IQGAP1: variants seen among roughly 807,000 people sequenced by gnomAD.
IQGAP1 encodes IQ motif containing GTPase activating protein 1.
IQGAP1 carries 66 observed loss-of-function variants against 215.6 expected under a neutral mutation model. That is an observed-to-expected ratio of 0.31 (90% confidence interval 0.25 to 0.38). IQGAP1 has a LOEUF of 0.38. IQGAP1 is among the 10% of genes least tolerant of loss of function. The pLI is 1.00. For synonymous variants in IQGAP1, 772 were observed against 728.7 expected, an observed-to-expected ratio of 1.06 and a Z score of -0.96; for missense variants, 1,712 against 1,997.1, an observed-to-expected ratio of 0.86 and a Z score of 2.72.
intron 35 of IQGAP1, among the ~76,000 whole-genome samples, chr15:90,493,441 C>T (rs907735847): frequency 6.6e-6 from 1 of 152,152 alleles, no homozygotes; most frequent in Non-Finnish European, 1.5e-5. Flanking sequence ...GCACTGGCCA[C>T]AAACTATCAG....
At chr15:90,453,358 G>T in intron 13 of IQGAP1, 66 bp downstream of exon 13, 1 of 1,255,620 alleles carries the variant, frequency 8.0e-7, no homozygotes. Flanking sequence ...TTGTATGTCA[G>T]TGCTCCGATT....
In IQGAP1 at chr15:90,495,954, T is replaced by C. The variant is rs998980389; in HGVS notation, c.4751+1119T>C. On this transcript the variant is annotated intron_variant, in intron 36 of 37. Coordinates refer to ENST00000268182, the MANE Select transcript of IQGAP1 (RefSeq NM_003870.4). ...TTATTATTATTATTATTATTATTTA[T>C]TATTATAGGTCATTATCTTCCACTA... Among the ~76,000 whole-genome samples the C allele has an allele frequency of 9.3e-5, 14 of 150,234 alleles. 1 individual carries two copies. Among genetic ancestry groups the C allele is most frequent in the African/African-American group, 3.4e-4 (14 of 41,186 alleles).
chr15:90,452,018 C>T (rs150395534), intron 11 of IQGAP1, among the ~76,000 whole-genome samples: 2,606 of 152,120 alleles, frequency 0.017, 41 homozygotes, highest in Non-Finnish European at 0.023. Flanking sequence ...TTAGTAGAGA[C>T]GGGGTTTCAC....
intron 2 of IQGAP1, among the ~76,000 whole-genome samples, chr15:90,409,921 G>T (rs1170532878): frequency 2.0e-5 from 3 of 152,162 alleles, no homozygotes; most frequent in African/African-American, 7.2e-5. Flanking sequence ...ATTTTTTCAT[G>T]TGTCTGTTGG....
intron 2 of IQGAP1, among the ~76,000 whole-genome samples, chr15:90,404,656 T>C (rs1964852372): frequency 6.6e-6 from 1 of 152,118 alleles, no homozygotes; most frequent in Non-Finnish European, 1.5e-5. Context: ...TGGCGTGCAG[T>C]GGCCCGATCT....
intron 5 of IQGAP1, among the ~76,000 whole-genome samples, chr15:90,434,749 T>G (rs1162831073): frequency 1.3e-5 from 2 of 152,200 alleles, no homozygotes; most frequent in East Asian, 3.8e-4. Context: ...ATGCCAAATC[T>G]GAAATGCAGA....
At chr15:90,467,616 G>A in intron 18 of IQGAP1, 24 bp downstream of exon 18, 1 of 1,591,418 alleles carries the variant, frequency 6.3e-7, no homozygotes, top group South Asian at 1.1e-5. Context: ...CTTCACGTAA[G>A]AAGAAGCTGA....
chr15:90,496,374 TGG>T (rs1966275015), intron 36 of IQGAP1, among the ~76,000 whole-genome samples: 1 of 140,298 alleles, frequency 7.1e-6, no homozygotes, highest in African/African-American at 2.7e-5. Flanking sequence ...TGGACTGCAG[TGG>T]TGATAGGGTA....
intron 15 of IQGAP1, among the ~76,000 whole-genome samples, chr15:90,460,881 C>T (rs1236884835): frequency 6.6e-6 from 1 of 151,568 alleles, no homozygotes; most frequent in Non-Finnish European, 1.5e-5. Flanking sequence ...CACCTGTGGT[C>T]CCAGGCACTT....
At chr15:90,483,803 A>G (rs1232183123) in intron 29 of IQGAP1, among the ~76,000 whole-genome samples, 1 of 152,232 alleles carries the variant, frequency 6.6e-6, no homozygotes, top group Non-Finnish European at 1.5e-5. Context: ...TATGAAATAG[A>G]TAGTAGTTAA....
intron 5 of IQGAP1, among the ~76,000 whole-genome samples, chr15:90,438,172 A>G (rs1266469184): frequency 2.0e-5 from 3 of 152,306 alleles, no homozygotes; most frequent in African/African-American, 2.4e-5. Context: ...TTAAGTTTCT[A>G]TGATTTATTT....
intron 11 of IQGAP1, among the ~76,000 whole-genome samples, chr15:90,450,162 C>T (rs901703828): frequency 3.9e-5 from 6 of 152,080 alleles, no homozygotes; most frequent in African/African-American, 1.2e-4. Context: ...CCCTTCCCAG[C>T]TTCTGGGAAC....
intron 26 of IQGAP1, among the ~76,000 whole-genome samples, chr15:90,481,257 C>G (rs1424174448): frequency 1.4e-5 from 2 of 142,818 alleles, no homozygotes; most frequent in African/African-American, 5.5e-5. Flanking sequence ...TGTACCAAAG[C>G]TCTCTCTGCC....
At chr15:90,420,155 A>G (rs769211271) in intron 2 of IQGAP1, among the ~76,000 whole-genome samples, 1 of 152,210 alleles carries the variant, frequency 6.6e-6, no homozygotes, top group Non-Finnish European at 1.5e-5. Flanking sequence ...GAAAGGCACA[A>G]ATATTTTTTT....
Position 90,449,293 on chromosome 15 carries a change from A to G in IQGAP1, c.1078-266A>G, listed in dbSNP as rs1243337382. 4.6e-5 allele frequency among the ~76,000 whole-genome samples: 7 copies of G among 152,284 alleles called. No homozygotes were observed. The South Asian group carries it at 1.0e-3, about 23-fold the overall frequency. The stretch of plus-strand genomic sequence containing the variant: ...GTAGCATTAACGTGCTTAAGATTCT[A>G]CAAACACTTTTTCCTTAGAACTTTT... On this transcript the variant is annotated intron_variant, in intron 10 of 37. Coordinates refer to ENST00000268182, the MANE Select transcript of IQGAP1 (RefSeq NM_003870.4).
At chr15:90,464,792 C>CAA (rs1965808210) in intron 15 of IQGAP1, among the ~76,000 whole-genome samples, 1 of 151,116 alleles carries the variant, frequency 6.6e-6, no homozygotes, top group Admixed American at 6.6e-5. Context: ...GCAGAGCTTG[C>CAA]AGTGAGCCGA....
chr15:90,491,183 C>G (rs1966198481), intron 33 of IQGAP1, 150 bp from the exon 34 acceptor site: 2 of 639,894 alleles, frequency 3.1e-6, no homozygotes, highest in Non-Finnish European at 5.5e-6. Flanking sequence ...AATTTTTCAT[C>G]TATCATTTGG....
intron 26 of IQGAP1, among the ~76,000 whole-genome samples, chr15:90,481,552 A>G (rs1261078811): frequency 6.6e-6 from 1 of 151,952 alleles, no homozygotes; most frequent in East Asian, 1.9e-4. Context: ...GAGTTCAAGC[A>G]TCCCTTCGTT....
intron 2 of IQGAP1, among the ~76,000 whole-genome samples, chr15:90,418,332 A>G (rs1388349109): frequency 1.3e-5 from 2 of 152,222 alleles, no homozygotes; most frequent in Non-Finnish European, 2.9e-5. Context: ...CAAGCCTATA[A>G]TCCTTGCACT....
Sources: gnomAD v4.1 joint callset for allele counts (sites outside exome capture counted in the v4.1 genomes callset) on GRCh38, gnomAD v4.1.1 for gene constraint, MANE v1.5 for transcripts, NCBI Gene and HGNC (gene_info 2026-07-23, HGNC 2026-07-21) for gene names.